Variants in CTNNA3 observed in about 807,000 individuals in gnomAD.
CTNNA3 encodes catenin alpha 3, also known as catenin alpha-3.
In CTNNA3, 76 loss-of-function variants were observed where a neutral mutation model predicts 95.7. The ratio of observed to expected loss-of-function variants is 0.79; its 90% CI spans 0.66 to 0.96. The LOEUF is 0.96. Ranked by LOEUF, CTNNA3 falls within the 40% of genes least tolerant of loss-of-function variation. The pLI is 0.00. For missense variants in CTNNA3, 1,191 were observed against 1,089.8 expected, an observed-to-expected ratio of 1.09 and a Z score of -1.31; for synonymous variants, 431 against 374.4, an observed-to-expected ratio of 1.15 and a Z score of -1.74.
chr10:66,768,990 G>C (rs1356279546), intron 8 of CTNNA3, among the ~76,000 whole-genome samples: 1 of 152,068 alleles, frequency 6.6e-6, no homozygotes, highest in Non-Finnish European at 1.5e-5. Flanking sequence ...ATAAACTTCT[G>C]TTTTTAATAA....
chr10:66,919,500 T>C (rs1365140752), intron 7 of CTNNA3, among the ~76,000 whole-genome samples: 1 of 152,164 alleles, frequency 6.6e-6, no homozygotes, highest in Non-Finnish European at 1.5e-5. Context: ...AGAATATGGA[T>C]TGACGCTGCT....
Position 66,905,586 on chromosome 10 carries a change from C to T in CTNNA3, c.1048-130062G>A, listed in dbSNP as rs143558499. 3.6e-3 allele frequency among the ~76,000 whole-genome samples: 544 copies of T among 152,076 alleles called. 2 individuals carry two copies. Among genetic ancestry groups the T allele is most frequent in the African/African-American group, 0.012 (513 of 41,466 alleles). ...CTCCCATGTTAATTGCAGCAATATT[C>T]GTAATAGTCAAGATATAACAAGCAC... On this transcript the variant is annotated intron_variant, in intron 7 of 17. Transcript: ENST00000433211.
At chr10:66,738,887 T>A (rs1172179472) in intron 9 of CTNNA3, among the ~76,000 whole-genome samples, 2 of 152,208 alleles carry the variant, frequency 1.3e-5, no homozygotes, top group Non-Finnish European at 2.9e-5. Context: ...ACAGTTCTAC[T>A]TATAATTTGC....
At chr10:66,804,732 T>C (rs1841572357) in intron 7 of CTNNA3, among the ~76,000 whole-genome samples, 1 of 152,070 alleles carries the variant, frequency 6.6e-6, no homozygotes, top group African/African-American at 2.4e-5. Context: ...GTAGTTGTCA[T>C]TAAAGCTCAA....
chr10:66,836,251 A>C (rs1047657603), intron 7 of CTNNA3, among the ~76,000 whole-genome samples: 1 of 152,146 alleles, frequency 6.6e-6, no homozygotes, highest in African/African-American at 2.4e-5. Context: ...ATTTCTCTGG[A>C]CTTGATACGT....
At chr10:66,021,160 G>T (rs2079197567) in intron 15 of CTNNA3, among the ~76,000 whole-genome samples, 1 of 152,058 alleles carries the variant, frequency 6.6e-6, no homozygotes, top group Admixed American at 6.6e-5. Flanking sequence ...CAGAACGTCT[G>T]GTCTACATAT....
At chr10:66,226,428 A>G (rs1422736371) in intron 13 of CTNNA3, among the ~76,000 whole-genome samples, 1 of 152,120 alleles carries the variant, frequency 6.6e-6, no homozygotes. Context: ...TTTTTATATC[A>G]GTATCACACT....
At chr10:66,307,527 T>A (rs1489243414) in intron 12 of CTNNA3, among the ~76,000 whole-genome samples, 1 of 152,208 alleles carries the variant, frequency 6.6e-6, no homozygotes, top group Non-Finnish European at 1.5e-5. Context: ...ACACTTCTAA[T>A]TATTCAGAGA....
intron 5 of CTNNA3, among the ~76,000 whole-genome samples, chr10:67,366,371 TAAAGAAAAG>T (rs778240913): frequency 2.6e-5 from 4 of 151,286 alleles, no homozygotes; most frequent in African/African-American, 9.7e-5. Context: ...TAAAATAAAA[TAAAGAAAAG>T]AAATTCACTG....
chr10:67,074,342 CTTTTTTTTTT>C (rs36186252), intron 7 of CTNNA3, among the ~76,000 whole-genome samples: 1 of 68,726 alleles, frequency 1.5e-5, no homozygotes, highest in Non-Finnish European at 2.5e-5. Flanking sequence ...CACTTTAACT[CTTTTTTTTTT>C]TTTTTTTTTT....
At chr10:67,340,000 T>C (rs1025125265) in intron 5 of CTNNA3, among the ~76,000 whole-genome samples, 26 of 152,220 alleles carry the variant, frequency 1.7e-4, no homozygotes, top group Non-Finnish European at 2.9e-4. Flanking sequence ...GCTTTCAGTT[T>C]TTCTTCTTTA....
At chr10:67,589,354 G>A (rs146650843) in intron 3 of CTNNA3, among the ~76,000 whole-genome samples, 2 of 151,948 alleles carry the variant, frequency 1.3e-5, no homozygotes, top group East Asian at 3.9e-4. Flanking sequence ...TATATACCCA[G>A]GGCCCAAAAT....
intron 7 of CTNNA3, among the ~76,000 whole-genome samples, chr10:67,121,898 A>AT (rs1221947671): frequency 7.5e-6 from 1 of 132,750 alleles, no homozygotes; most frequent in South Asian, 2.4e-4. Context: ...AAAAATCTGA[A>AT]TTTTTTATGT....
chr10:66,144,218 T>C (rs1046818753), intron 13 of CTNNA3, among the ~76,000 whole-genome samples: 2 of 152,318 alleles, frequency 1.3e-5, no homozygotes, highest in South Asian at 2.1e-4. Context: ...AACTACCTCA[T>C]GCATTTTTTC....
chr10:67,584,066 T>C (rs1842526721), intron 3 of CTNNA3, among the ~76,000 whole-genome samples: 2 of 152,142 alleles, frequency 1.3e-5, no homozygotes, highest in South Asian at 4.1e-4. Flanking sequence ...TTTCTCTCAA[T>C]TCATCAAAGT....
chr10:67,208,829 C>G (rs1461729169), intron 6 of CTNNA3, among the ~76,000 whole-genome samples: 1 of 151,750 alleles, frequency 6.6e-6, no homozygotes, highest in Non-Finnish European at 1.5e-5. Flanking sequence ...ATTAATTAAT[C>G]TAGACATGAA....
At chr10:67,138,943 T>C (rs1418047905) in intron 7 of CTNNA3, among the ~76,000 whole-genome samples, 2 of 152,126 alleles carry the variant, frequency 1.3e-5, no homozygotes, top group East Asian at 3.9e-4. Flanking sequence ...TGAGCACGGA[T>C]CTTAGAAAGC....
intron 17 of CTNNA3, among the ~76,000 whole-genome samples, chr10:65,942,487 C>T (rs2077445789): frequency 6.6e-6 from 1 of 152,166 alleles, no homozygotes; most frequent in Admixed American, 6.5e-5. Flanking sequence ...CAAGATCGTG[C>T]CACTGCACTC....
intron 7 of CTNNA3, among the ~76,000 whole-genome samples, chr10:67,007,221 T>C (rs1165381892): frequency 6.6e-6 from 1 of 152,218 alleles, no homozygotes; most frequent in Non-Finnish European, 1.5e-5. Context: ...AGTTCCTGTT[T>C]AGCATCAACA....
Sources: allele counts gnomAD v4.1 joint callset (sites outside exome capture counted in the v4.1 genomes callset), GRCh38; gene constraint gnomAD v4.1.1; transcripts MANE v1.5; gene names NCBI Gene and HGNC (gene_info 2026-07-23, HGNC 2026-07-21).